TMEM178B: variants seen among roughly 807,000 people sequenced by gnomAD.
TMEM178B encodes transmembrane protein 178B.
Under a neutral mutation model 31.0 loss-of-function variants are expected in TMEM178B, and 5 were observed. The observed-to-expected ratio is 0.16, with a 90% CI of 0.08 to 0.34. The LOEUF is 0.34. TMEM178B is among the 10% of genes least tolerant of loss of function. The pLI is 1.00. For missense variants in TMEM178B, 275 were observed against 400.3 expected, an observed-to-expected ratio of 0.69 and a Z score of 2.67; for synonymous variants, 164 against 164.0, an observed-to-expected ratio of 1.00 and a Z score of 0.00.
rs1036471439 is a variant in TMEM178B at position 141,212,739 on chromosome 7, G to A, written c.496+35G>A. On this transcript the variant is annotated intron_variant, in intron 2 of 3. Transcript: ENST00000565468. ...CCTGAGTCTCAGTGGCTGTGACTGT[G>A]CTGTGAGGTCCCCTTTGGAGGGATT... 5 of 1,486,864 alleles carry A rather than the reference G, an allele frequency of 3.4e-6. No individual in the cohort carries two copies. The East Asian group carries it at 9.8e-5, about 29-fold the overall frequency. The allele number at this position is 1,486,864 out of a possible 1,614,324, so 92.1% of individuals were successfully genotyped here.
intron 1 of TMEM178B, among the ~76,000 whole-genome samples, chr7:141,139,635 C>T (rs1046783053): frequency 2.0e-5 from 3 of 152,154 alleles, no homozygotes; most frequent in Non-Finnish European, 4.4e-5. Context: ...AGCTGCCACA[C>T]TTGAGCCCCC....
chr7:141,267,520 A>G (rs1369371731), intron 2 of TMEM178B, among the ~76,000 whole-genome samples: 2 of 152,172 alleles, frequency 1.3e-5, no homozygotes, highest in East Asian at 3.9e-4. Flanking sequence ...TAGGTTGGCC[A>G]TGGCTTTGAC....
intron 2 of TMEM178B, among the ~76,000 whole-genome samples, chr7:141,325,846 A>G (rs1048083723): frequency 2.0e-5 from 3 of 152,102 alleles, no homozygotes; most frequent in Admixed American, 6.5e-5. Context: ...CTGATTCTCT[A>G]TGGAGCTCAG....
intron 2 of TMEM178B, among the ~76,000 whole-genome samples, chr7:141,428,379 A>G (rs1801359952): frequency 7.0e-6 from 1 of 142,042 alleles, no homozygotes. Context: ...AAAAAAAAAA[A>G]AAAAAGAAAA....
At chr7:141,483,141 T>A (rs1174167905), downstream of TMEM178B, among the ~76,000 whole-genome samples, 1 of 151,918 alleles carries the variant, frequency 6.6e-6, no homozygotes, top group Non-Finnish European at 1.5e-5. Flanking sequence ...TCTATGGAGG[T>A]AATTTAGAAG....
chr7:141,191,567 T>C (rs1262334757), intron 1 of TMEM178B, among the ~76,000 whole-genome samples: 2 of 152,252 alleles, frequency 1.3e-5, no homozygotes, highest in South Asian at 2.1e-4. Context: ...TGGCATTCAG[T>C]GTAGATTTAA....
At chr7:141,386,797 G>A (rs1800439224) in intron 2 of TMEM178B, among the ~76,000 whole-genome samples, 1 of 152,124 alleles carries the variant, frequency 6.6e-6, no homozygotes, top group Admixed American at 6.5e-5. Flanking sequence ...AAGGATCCTG[G>A]GGTGGCTCAT....
At chr7:141,222,314 G>T (rs537355749) in intron 2 of TMEM178B, among the ~76,000 whole-genome samples, 28 of 152,154 alleles carry the variant, frequency 1.8e-4, no homozygotes, top group African/African-American at 6.7e-4. Context: ...TTATGTTTTT[G>T]ATGTACTCCT....
intron 2 of TMEM178B, among the ~76,000 whole-genome samples, chr7:141,385,357 C>A (rs941930305): frequency 6.6e-6 from 1 of 152,200 alleles, no homozygotes; most frequent in South Asian, 2.1e-4. Context: ...AGATGGTCTG[C>A]TCTAGGGGCA....
chr7:141,084,715 C>G (rs1794749147), intron 1 of TMEM178B, among the ~76,000 whole-genome samples: 1 of 152,114 alleles, frequency 6.6e-6, no homozygotes, highest in Non-Finnish European at 1.5e-5. Flanking sequence ...CCTGCTTGTC[C>G]CCCAGATGCC....
chr7:141,088,087 C>A (rs560077829), intron 1 of TMEM178B, among the ~76,000 whole-genome samples: 2 of 152,050 alleles, frequency 1.3e-5, no homozygotes, highest in Non-Finnish European at 2.9e-5. Context: ...TGATGCTCTG[C>A]GGGGAGGGAG....
chr7:141,433,946 G>A (rs1801485553), intron 2 of TMEM178B, among the ~76,000 whole-genome samples: 1 of 152,182 alleles, frequency 6.6e-6, no homozygotes, highest in South Asian at 2.1e-4. Flanking sequence ...CAACAGCTTA[G>A]CACAACCCTC....
the TMEM178B span, among the ~76,000 whole-genome samples, chr7:141,502,620 A>C: frequency 6.6e-6 from 1 of 152,156 alleles, no homozygotes; most frequent in East Asian, 1.9e-4. Flanking sequence ...AACATAAAAA[A>C]TTAGCTGGGC....
intron 2 of TMEM178B, among the ~76,000 whole-genome samples, chr7:141,321,084 T>A (rs923703810): frequency 3.9e-5 from 6 of 152,232 alleles, no homozygotes; most frequent in African/African-American, 1.4e-4. Context: ...CTTAAGTGCA[T>A]GCAGTTCTTC....
chr7:141,184,838 C>T (rs142678257), intron 1 of TMEM178B, among the ~76,000 whole-genome samples: 22 of 152,294 alleles, frequency 1.4e-4, no homozygotes, highest in African/African-American at 5.3e-4. Context: ...ACTCATTGAT[C>T]CTTGGTACAA....
intron 1 of TMEM178B, among the ~76,000 whole-genome samples, chr7:141,140,062 G>A (rs927897689): frequency 4.6e-5 from 7 of 152,036 alleles, no homozygotes; most frequent in African/African-American, 1.7e-4. Context: ...CACTGCACCC[G>A]GCCAGAGGTT....
At chr7:141,299,173 C>A (rs1798683818) in intron 2 of TMEM178B, among the ~76,000 whole-genome samples, 1 of 151,932 alleles carries the variant, frequency 6.6e-6, no homozygotes, top group African/African-American at 2.4e-5. Flanking sequence ...GAAACCAAGC[C>A]AGTTTCTTTT....
chr7:141,084,903 G>T (rs1195474789), intron 1 of TMEM178B, among the ~76,000 whole-genome samples: 1 of 151,932 alleles, frequency 6.6e-6, no homozygotes, highest in African/African-American at 2.4e-5. Flanking sequence ...GTTTGAGACC[G>T]AGTCTTACTC....
At chr7:141,504,728 G>T in the TMEM178B span, among the ~76,000 whole-genome samples, 2 of 152,210 alleles carry the variant, frequency 1.3e-5, no homozygotes, top group African/African-American at 2.4e-5. Flanking sequence ...GGGTACAAGT[G>T]GTTTTGGTTA....
Sources: allele counts gnomAD v4.1 joint callset (sites outside exome capture counted in the v4.1 genomes callset), GRCh38; gene constraint gnomAD v4.1.1; transcripts MANE v1.5; gene names NCBI Gene and HGNC (gene_info 2026-07-23, HGNC 2026-07-21).